Variants in MMP15 observed in about 807,000 individuals in gnomAD.
MMP15 encodes matrix metalloproteinase-15.
MMP15 carries 36 observed loss-of-function variants against 65.0 expected under a neutral mutation model. That is an observed-to-expected ratio of 0.55 (90% confidence interval 0.42 to 0.73). The LOEUF is 0.73. MMP15 is among the 30% of genes least tolerant of loss of function. The pLI, the probability that MMP15 is intolerant of heterozygous loss-of-function variation, is 0.00. For missense variants in MMP15, 870 were observed against 987.8 expected (o/e 0.88, Z 1.60); for synonymous variants, 428 against 410.2 (o/e 1.04, Z -0.52).
At position 58,038,527 on chromosome 16, in the gene MMP15, C is replaced by T. The variant is rs1352246549; in HGVS notation, c.440+133C>T. 3 of 1,148,228 alleles carry T rather than the reference C, an allele frequency of 2.6e-6. No homozygotes were observed. The African/African-American group carries it at 4.6e-5, about 18-fold the overall frequency. 71.1% of individuals were successfully genotyped at this position (1,148,228 alleles called of 1,614,324 possible). ...TTTCACGCTGATGAGACCAGCCACA[C>T]ACGCCAGGCAGTCTCCCTCGAGGGA... On this transcript the variant is annotated intron_variant, in intron 3 of 9. Transcript: ENST00000219271.
In MMP15 at chr16:58,038,414, A is replaced by G. The variant is rs544764672; in HGVS notation, c.440+20A>G. The G allele has an allele frequency of 6.2e-7, 1 of 1,613,266 alleles. No individual in the cohort carries two copies. Among genetic ancestry groups the G allele is most frequent in the Non-Finnish European group, 8.5e-7 (1 of 1,179,536 alleles). On this transcript the variant is annotated intron_variant, in intron 3 of 9. Coordinates refer to ENST00000219271, the MANE Select transcript of MMP15 (RefSeq NM_002428.4). ...CTTTAGGTAGGGGGCTCAGCTGCCC[A>G]GGGAAGCATCTGCCCCTCGGCAGGC...
chr16:58,036,370 G>A (rs1959330947), intron 1 of MMP15, among the ~76,000 whole-genome samples: 1 of 152,184 alleles, frequency 6.6e-6, no homozygotes, highest in Admixed American at 6.5e-5. Context: ...TTGTTTTGTA[G>A]GTGTGTTGGG....
chr16:58,027,054 G>A (rs1237083496), intron 1 of MMP15, among the ~76,000 whole-genome samples: 1 of 152,362 alleles, frequency 6.6e-6, no homozygotes, highest in Admixed American at 6.5e-5. Flanking sequence ...GGGGATGGGT[G>A]CAAACGGCTG....
rs749779284 is a variant in MMP15, at chr16:58,031,853, C to CTTTTT, written c.162+5368_162+5372dup. On this transcript the variant is annotated intron_variant, in intron 1 of 9. Transcript: ENST00000219271. ...CAAGGAGGACCTGGCTCGATGCCGC[C>CTTTTT]TTTTTTTTTTTTTTTTTTTTTTTTT... Among the ~76,000 whole-genome samples, 291 of 57,752 alleles carry CTTTTT rather than the reference C, an allele frequency of 5.0e-3. 64 individuals are homozygous for CTTTTT. Among genetic ancestry groups the CTTTTT allele is most frequent in the African/African-American group, 0.022 (264 of 12,112 alleles). 37.9% of individuals were successfully genotyped at this position (57,752 alleles called of 152,430 possible).
intron 3 of MMP15, 99 bp downstream of exon 3, chr16:58,038,493 C>T (rs2142328373): frequency 2.0e-6 from 3 of 1,495,328 alleles, no homozygotes; most frequent in Non-Finnish European, 1.8e-6. Flanking sequence ...CCTTAACAGT[C>T]CAGCCCGCTT....
chr16:58,030,313 C>T (rs1463668609), intron 1 of MMP15, among the ~76,000 whole-genome samples: 1 of 152,228 alleles, frequency 6.6e-6, no homozygotes, highest in Non-Finnish European at 1.5e-5. Flanking sequence ...TAGGCACCAT[C>T]TGGCTGGACA....
Position 58,032,932 on chromosome 16 carries a change from A to G in MMP15, c.163-4540A>G, listed in dbSNP as rs560610410. On this transcript the variant is annotated intron_variant, in intron 1 of 9. Transcript: ENST00000219271. ...GCAGAGCCCAGTGGAAAGTGTCCTT[A>G]TCGCCTGGGGTCTGATAAGGGCCCC... Among the ~76,000 whole-genome samples the G allele has an allele frequency of 3.9e-5, 6 of 152,322 alleles. No homozygotes were observed. In the South Asian group the frequency reaches 8.3e-4, roughly 21 times the overall value.
At chr16:58,027,436 A>G (rs2142321428) in intron 1 of MMP15, among the ~76,000 whole-genome samples, 1 of 152,322 alleles carries the variant, frequency 6.6e-6, no homozygotes, top group African/African-American at 2.4e-5. Flanking sequence ...CCGACTTCTA[A>G]GACCTGCGCC....
intron 9 of MMP15, among the ~76,000 whole-genome samples, chr16:58,044,419 C>T (rs1424253972): frequency 6.6e-6 from 1 of 152,220 alleles, no homozygotes; most frequent in Non-Finnish European, 1.5e-5. Flanking sequence ...TATACTCCAG[C>T]CTGGGTGACT....
chr16:58,045,482 G>C lies in MMP15; in HGVS notation c.*36G>C, dbSNP rs41324945. ...CTCCTGCTAACGGTGCTCAGGGGGC[G>C]CCTGTGGTTCTGAGATGGCTCCCAG... is the stretch of plus-strand genomic sequence containing the variant. On this transcript the variant is annotated 3_prime_UTR_variant, in exon 10 of 10. Coordinates refer to ENST00000219271, the MANE Select transcript of MMP15 (RefSeq NM_002428.4). 8 of 1,469,308 alleles carry C rather than the reference G, an allele frequency of 5.4e-6. No homozygotes were observed. In the African/African-American group the frequency reaches 8.4e-5, roughly 15 times the overall value. 91.0% of individuals were successfully genotyped at this position (1,469,308 alleles called of 1,614,324 possible). A position where few individuals can be genotyped will look rare whatever the true frequency, so the allele number is the denominator to read the frequency against.
chr16:58,031,788 A>T (rs998932178), intron 1 of MMP15, among the ~76,000 whole-genome samples: 3 of 150,442 alleles, frequency 2.0e-5, no homozygotes, highest in Non-Finnish European at 2.9e-5. Flanking sequence ...AACTGCTGAA[A>T]TGTGGAACAT....
At chr16:58,029,361 C>T (rs1963866145) in intron 1 of MMP15, among the ~76,000 whole-genome samples, 1 of 152,236 alleles carries the variant, frequency 6.6e-6, no homozygotes, top group Non-Finnish European at 1.5e-5. Context: ...CAGATGCCAT[C>T]TGTGCCCACC....
At chr16:58,031,965 T>C (rs959824967) in intron 1 of MMP15, among the ~76,000 whole-genome samples, 2 of 143,870 alleles carry the variant, frequency 1.4e-5, no homozygotes, top group African/African-American at 5.2e-5. Flanking sequence ...CCTCCCAGGT[T>C]CAGGCAATTC....
At chr16:58,026,966 G>T (rs1434789661) in intron 1 of MMP15, among the ~76,000 whole-genome samples, 3 of 152,360 alleles carry the variant, frequency 2.0e-5, no homozygotes, top group African/African-American at 7.2e-5. Context: ...CTGGGCGGCT[G>T]GGCAACTGCG....
chr16:58,045,764 G>A lies in MMP15; in HGVS notation c.*318G>A. The A allele has an allele frequency of 2.8e-6, 1 of 359,620 alleles. No individual in the cohort carries two copies. 22.3% of individuals were successfully genotyped at this position (359,620 alleles called of 1,614,324 possible). A position where few individuals can be genotyped will look rare whatever the true frequency, so the allele number is the denominator to read the frequency against. The stretch of plus-strand genomic sequence containing the variant: ...AGCAGAGGGGCAGAGGCCCACATTG[G>A]AAGAGCAGCACCTCCTCAGCCTGAA... On this transcript the variant is annotated 3_prime_UTR_variant, in exon 10 of 10. Coordinates refer to ENST00000219271, the MANE Select transcript of MMP15 (RefSeq NM_002428.4).
chr16:58,033,354 G>A (rs1959269219), intron 1 of MMP15, among the ~76,000 whole-genome samples: 1 of 152,220 alleles, frequency 6.6e-6, no homozygotes, highest in Admixed American at 6.5e-5. Flanking sequence ...TGGGACCCTG[G>A]GTGAGGCACT....
At position 58,037,339 on chromosome 16, in the gene MMP15, A is replaced by G. The variant is rs910765824; in HGVS notation, c.163-133A>G. 2.7e-5 allele frequency: 31 copies of G among 1,168,234 alleles called. No individual in the cohort carries two copies. The African/African-American group carries it at 4.3e-4, about 16-fold the overall frequency. The allele number at this position is 1,168,234 out of a possible 1,614,324, so 72.4% of individuals were successfully genotyped here. Reference sequence around the variant, plus strand: ...GGAGGGTGCTGAGGCTCACACGGTCACCTGGGCAGGAGGTGATGACGGCTC... The same window carrying G: ...GGAGGGTGCTGAGGCTCACACGGTCGCCTGGGCAGGAGGTGATGACGGCTC... On this transcript the variant is annotated intron_variant, in intron 1 of 9. Coordinates refer to ENST00000219271, the MANE Select transcript of MMP15 (RefSeq NM_002428.4).
chr16:58,040,783 T>TACAAAA, intron 5 of MMP15, 85 bp downstream of exon 5: 1 of 1,581,702 alleles, frequency 6.3e-7, no homozygotes, highest in Non-Finnish European at 8.6e-7. Flanking sequence ...CATCCCCATT[T>TACAAAA]TGTAGATGAG....
chr16:58,044,957 C>G, intron 9 of MMP15, 50 bp from the exon 10 acceptor site: 1 of 1,600,408 alleles, frequency 6.2e-7, no homozygotes. Flanking sequence ...ATGGTTCTCA[C>G]TGGTGGTTCG....
Sources: allele counts gnomAD v4.1 joint callset (sites outside exome capture counted in the v4.1 genomes callset), GRCh38; gene constraint gnomAD v4.1.1; transcripts MANE v1.5; gene names NCBI Gene and HGNC (gene_info 2026-07-23, HGNC 2026-07-21).